TFAP2D: variants seen among roughly 807,000 people sequenced by gnomAD.
TFAP2D encodes transcription factor AP-2-delta.
In TFAP2D, 9 loss-of-function variants were observed where a neutral mutation model predicts 43.6. That is an observed-to-expected ratio of 0.21 (90% confidence interval 0.12 to 0.36). The LOEUF is 0.36. Ranked by LOEUF, TFAP2D falls within the 10% of genes least tolerant of loss-of-function variation. The probability of loss-of-function intolerance (pLI) is 1.00; values close to 1 mark genes in which losing one functional copy is unlikely to be tolerated. For missense variants in TFAP2D, 513 were observed against 561.4 expected, an observed-to-expected ratio of 0.91 and a Z score of 0.87; for synonymous variants, 256 against 224.9, an observed-to-expected ratio of 1.14 and a Z score of -1.24.
chr6:50,740,195 G>A (rs1769020989), intron 5 of TFAP2D, among the ~76,000 whole-genome samples: 1 of 152,038 alleles, frequency 6.6e-6, no homozygotes, highest in Non-Finnish European at 1.5e-5. Flanking sequence ...ATATATGACT[G>A]GAGTTTAACA....
At chr6:50,716,609 A>C (rs1768632189) in intron 2 of TFAP2D, among the ~76,000 whole-genome samples, 1 of 152,232 alleles carries the variant, frequency 6.6e-6, no homozygotes, top group East Asian at 1.9e-4. Flanking sequence ...AGAATTTATA[A>C]TTATGCAATT....
At chr6:50,717,604 A>G (rs1163686139) in intron 2 of TFAP2D, among the ~76,000 whole-genome samples, 1 of 152,238 alleles carries the variant, frequency 6.6e-6, no homozygotes, top group Admixed American at 6.5e-5. Flanking sequence ...ACAGTCCAAG[A>G]TACTAGAAGA....
At chr6:50,742,980 C>CACACACAT (rs1355991325) in intron 5 of TFAP2D, among the ~76,000 whole-genome samples, 1 of 151,766 alleles carries the variant, frequency 6.6e-6, no homozygotes, top group Non-Finnish European at 1.5e-5. Flanking sequence ...CACACACACA[C>CACACACAT]ACACACACAC....
intron 3 of TFAP2D, among the ~76,000 whole-genome samples, chr6:50,722,238 G>C (rs1265896557): frequency 2.0e-5 from 3 of 152,134 alleles, no homozygotes; most frequent in African/African-American, 2.4e-5. Context: ...CGCAGCTCCG[G>C]CTCTCCAACC....
chr6:50,772,596 G>A, intron 7 of TFAP2D, 49 bp from the exon 8 acceptor site: 1 of 1,523,330 alleles, frequency 6.6e-7, no homozygotes, highest in Non-Finnish European at 9.1e-7. Flanking sequence ...TATTTCACAT[G>A]ATACTGCAAA....
intron 7 of TFAP2D, among the ~76,000 whole-genome samples, chr6:50,769,133 G>A (rs1447686435): frequency 2.0e-5 from 3 of 151,840 alleles, no homozygotes; most frequent in South Asian, 2.1e-4. Context: ...TGACCTTGTG[G>A]TCTACCTGCC....
intron 5 of TFAP2D, among the ~76,000 whole-genome samples, chr6:50,743,590 G>A (rs557998702): frequency 6.6e-6 from 1 of 152,084 alleles, no homozygotes; most frequent in Non-Finnish European, 1.5e-5. Flanking sequence ...TTTCTATGTT[G>A]CCCAGGCTGG....
chr6:50,768,053 G>A lies in TFAP2D; in HGVS notation c.1140-4592G>A, dbSNP rs76716675. Reference sequence around the variant, plus strand: ...CTGGTGATATTTGCATGTGAAATGCGCTCTCATCAGTAATCTGGTGAAATT... The same window carrying A: ...CTGGTGATATTTGCATGTGAAATGCACTCTCATCAGTAATCTGGTGAAATT... On this transcript the variant is annotated intron_variant, in intron 7 of 7. Transcript: ENST00000008391. Among the ~76,000 whole-genome samples the A allele has an allele frequency of 5.9e-5, 9 of 152,186 alleles. No individual in the cohort carries two copies. The East Asian group carries it at 9.7e-4, about 16-fold the overall frequency.
intron 5 of TFAP2D, among the ~76,000 whole-genome samples, chr6:50,730,769 C>T (rs569607574): frequency 6.6e-6 from 1 of 152,188 alleles, no homozygotes; most frequent in African/African-American, 2.4e-5. Context: ...GAAACTCATT[C>T]TGGGGTGATG....
chr6:50,713,915 A>G lies in TFAP2D; in HGVS notation c.-141A>G. The G allele has an allele frequency of 7.6e-7, 1 of 1,321,266 alleles. No homozygotes were observed. 81.8% of individuals were successfully genotyped at this position (1,321,266 alleles called of 1,614,324 possible). ...CAAGGAGCTATCTGATCCGGGCAAA[A>G]CCATTACAATTTAGATATCTACCTA... On this transcript the variant is annotated 5_prime_UTR_variant, in exon 1 of 8. Transcript: ENST00000008391.
At chr6:50,762,836 G>T (rs1428489756) in intron 7 of TFAP2D, among the ~76,000 whole-genome samples, 1 of 151,972 alleles carries the variant, frequency 6.6e-6, no homozygotes, top group Non-Finnish European at 1.5e-5. Context: ...TCAATGAGCT[G>T]TAATCTAGTT....
Position 50,713,935 on chromosome 6 carries a change from T to C in TFAP2D, c.-121T>C. 7.0e-7 allele frequency: 1 copy of C among 1,425,804 alleles called. No homozygotes were observed. Among genetic ancestry groups the C allele is most frequent in the South Asian group, 1.2e-5 (1 of 84,504 alleles). 88.3% of individuals were successfully genotyped at this position (1,425,804 alleles called of 1,614,324 possible). On this transcript the variant is annotated 5_prime_UTR_variant, in exon 1 of 8. Transcript: ENST00000008391. ...GCAAAACCATTACAATTTAGATATCTACCTATAGAACATTTTTTTTTTCCT... is the reference window on the plus strand; with the variant it reads ...GCAAAACCATTACAATTTAGATATCCACCTATAGAACATTTTTTTTTTCCT...
intron 3 of TFAP2D, among the ~76,000 whole-genome samples, chr6:50,723,238 C>A (rs113174672): frequency 1.8e-4 from 27 of 152,340 alleles, no homozygotes; most frequent in Non-Finnish European, 2.6e-4. Context: ...TCAGTCTGCC[C>A]ATAACAGAGT....
chr6:50,759,964 A>T (rs2113891463), intron 7 of TFAP2D, among the ~76,000 whole-genome samples: 1 of 152,146 alleles, frequency 6.6e-6, no homozygotes, highest in South Asian at 2.1e-4. Context: ...AGTTTCATAG[A>T]GCACTAGTCA....
intron 5 of TFAP2D, among the ~76,000 whole-genome samples, chr6:50,735,587 C>G (rs1427812095): frequency 1.3e-5 from 2 of 152,082 alleles, no homozygotes; most frequent in African/African-American, 4.8e-5. Flanking sequence ...TCAATAGTAT[C>G]CATTGTACTT....
At chr6:50,720,813 A>G (rs565661054) in intron 3 of TFAP2D, among the ~76,000 whole-genome samples, 2 of 152,188 alleles carry the variant, frequency 1.3e-5, no homozygotes, top group Non-Finnish European at 2.9e-5. Context: ...GGACAGCGCC[A>G]CTAATTAGGG....
At chr6:50,752,469 C>T (rs1353825321) in intron 7 of TFAP2D, among the ~76,000 whole-genome samples, 1 of 151,794 alleles carries the variant, frequency 6.6e-6, no homozygotes, top group Admixed American at 6.6e-5. Context: ...GACTAATACA[C>T]ATTAAATATT....
chr6:50,713,837 C>A lies in TFAP2D; in HGVS notation c.-219C>A. On this transcript the variant is annotated 5_prime_UTR_variant, in exon 1 of 8. Coordinates refer to ENST00000008391, the MANE Select transcript of TFAP2D (RefSeq NM_172238.4). ...GTACAAAATCTGTTCCAGGGAGCTG[C>A]TTTTGTGCAGAGGGAAAATTTTGTT... is the stretch of plus-strand genomic sequence containing the variant. 1 of 630,572 alleles carries A rather than the reference C, an allele frequency of 1.6e-6. No individual in the cohort carries two copies. Among genetic ancestry groups the A allele is most frequent in the Non-Finnish European group, 2.7e-6 (1 of 368,186 alleles). 39.1% of individuals were successfully genotyped at this position (630,572 alleles called of 1,614,324 possible).
intron 2 of TFAP2D, 142 bp from the exon 3 acceptor site, chr6:50,718,948 C>A: frequency 1.3e-6 from 1 of 748,178 alleles, no homozygotes; most frequent in Non-Finnish European, 2.1e-6. Flanking sequence ...TGTTTGCTGG[C>A]AAGCTTGCTT....
Sources: allele counts gnomAD v4.1 joint callset (sites outside exome capture counted in the v4.1 genomes callset), GRCh38; gene constraint gnomAD v4.1.1; transcripts MANE v1.5; gene names NCBI Gene and HGNC (gene_info 2026-07-23, HGNC 2026-07-21).